The following PTPN13 variants were observed in gnomAD, a reference collection of about 807,000 sequenced individuals.
The protein encoded by PTPN13 is protein tyrosine phosphatase non-receptor type 13.
In PTPN13, 191 loss-of-function variants were observed where a neutral mutation model predicts 284.0. The ratio of observed to expected loss-of-function variants is 0.67; its 90% CI spans 0.60 to 0.76. The LOEUF is 0.76. PTPN13 is among the 30% of genes least tolerant of loss of function. The pLI, the probability that PTPN13 is intolerant of heterozygous loss-of-function variation, is 0.00. For synonymous variants in PTPN13, 986 were observed against 1,022.3 expected, an observed-to-expected ratio of 0.96 and a Z score of 0.68; for missense variants, 2,797 against 2,939.9, an observed-to-expected ratio of 0.95 and a Z score of 1.12.
intron 19 of PTPN13, among the ~76,000 whole-genome samples, chr4:86,752,652 C>G (rs980781703): frequency 6.6e-6 from 1 of 152,112 alleles, no homozygotes; most frequent in Non-Finnish European, 1.5e-5. Flanking sequence ...ATAAAACACT[C>G]TTAAAGGAAA....
intron 32 of PTPN13, among the ~76,000 whole-genome samples, chr4:86,774,137 A>G (rs1464081269): frequency 6.6e-6 from 1 of 152,146 alleles, no homozygotes; most frequent in Non-Finnish European, 1.5e-5. Context: ...CTGTCTCTAG[A>G]CAAACATAAT....
chr4:86,738,803 C>T (rs2149158322), intron 15 of PTPN13, among the ~76,000 whole-genome samples: 1 of 152,206 alleles, frequency 6.6e-6, no homozygotes, highest in East Asian at 1.9e-4. Flanking sequence ...TCCTCAGCCT[C>T]CTGAGTAGCT....
intron 42 of PTPN13, among the ~76,000 whole-genome samples, chr4:86,801,058 C>T (rs1328730534): frequency 1.3e-5 from 2 of 152,204 alleles, no homozygotes; most frequent in East Asian, 1.9e-4. Context: ...ATTAAAGCTA[C>T]ACTTGTGCAG....
Position 86,775,441 on chromosome 4 carries a change from G to C in PTPN13, c.5681-1G>C. On this transcript the variant is annotated splice_acceptor_variant, in intron 34 of 47. Coordinates refer to ENST00000411767, the MANE Select transcript of PTPN13 (RefSeq NM_080683.3). LOFTEE classifies it high-confidence loss of function. ...AAACAAATATTTTCTATTATTTCAA[G>C]GTTTTTCCTTATGTGGAGGTCATGA... The C allele has an allele frequency of 6.2e-7, 1 of 1,600,982 alleles. No homozygotes were observed. The highest frequency in any genetic ancestry group is 8.6e-7 in the Non-Finnish European group (1 of 1,168,666).
At chr4:86,698,635 A>G (rs1191459600) in intron 6 of PTPN13, among the ~76,000 whole-genome samples, 1 of 152,180 alleles carries the variant, frequency 6.6e-6, no homozygotes, top group African/African-American at 2.4e-5. Context: ...CAGGTATGTA[A>G]AGAGAGGAAA....
In PTPN13 at chr4:86,767,814, C is replaced by T; in HGVS notation, c.4330-3C>T. The T allele has an allele frequency of 6.4e-7, 1 of 1,551,916 alleles. No homozygotes were observed. The highest frequency in any genetic ancestry group is 8.7e-7 in the Non-Finnish European group (1 of 1,146,092). On this transcript the variant is annotated splice_region_variant and splice_polypyrimidine_tract_variant and intron_variant, in intron 27 of 47. Transcript: ENST00000411767. ...TTAATGAAATGCTATTTTACTTATC[C>T]AGGTGGTTCATCTGTTATTAGAAAA...
At chr4:86,807,463 T>C (rs943913037) in intron 44 of PTPN13, 97 bp from the exon 45 acceptor site, 31 of 899,726 alleles carry the variant, frequency 3.4e-5, no homozygotes, top group Admixed American at 7.3e-5. Context: ...TCTGTGACTA[T>C]GAGAATTTCT....
chr4:86,783,663 T>A (rs1215976790), intron 37 of PTPN13, among the ~76,000 whole-genome samples: 3 of 152,066 alleles, frequency 2.0e-5, no homozygotes, highest in Non-Finnish European at 2.9e-5. Context: ...ATTTATTTTT[T>A]AAAATTCTAT....
At chr4:86,736,021 A>G (rs1018803547) in intron 15 of PTPN13, among the ~76,000 whole-genome samples, 1 of 152,202 alleles carries the variant, frequency 6.6e-6, no homozygotes, top group Admixed American at 6.5e-5. Context: ...ATCTTATTCC[A>G]TACTCAAAAT....
chr4:86,671,950 C>A (rs1348745596), intron 2 of PTPN13, among the ~76,000 whole-genome samples: 1 of 152,128 alleles, frequency 6.6e-6, no homozygotes, highest in Admixed American at 6.5e-5. Context: ...TGGGCAATGT[C>A]CTTGAGAGAG....
chr4:86,791,206 C>T (rs1742615789), intron 40 of PTPN13, among the ~76,000 whole-genome samples: 1 of 152,238 alleles, frequency 6.6e-6, no homozygotes, highest in Non-Finnish European at 1.5e-5. Context: ...ATGTCTGGCT[C>T]AGCGGGTCCC....
rs1241887233 is a variant in PTPN13, at chr4:86,785,881, A to G, written c.6290A>G (p.Glu2097Gly). Reference protein sequence around the residue: ...TLKMNGKLSEERTEDTDCDGS... With the variant: ...TLKMNGKLSEGRTEDTDCDGS... ...AAGATGAATGGGAAGTTATCAGAAG[A>G]GAGAACAGAAGATACAGACTGCGAT... is the stretch of plus-strand genomic sequence containing the variant. Residue 2097 changes from glutamate to glycine, a missense_variant, in exon 40 of 48, where the codon GAG becomes GGG. Coordinates refer to ENST00000411767, the MANE Select transcript of PTPN13 (RefSeq NM_080683.3). 1.3e-6 allele frequency: 2 copies of G among 1,568,922 alleles called. No homozygotes were observed. Among genetic ancestry groups the G allele is most frequent in the East Asian group, 2.3e-5 (1 of 43,272 alleles).
At chr4:86,752,068 C>T (rs2054593) in intron 19 of PTPN13, among the ~76,000 whole-genome samples, 34,426 of 151,966 alleles carry the variant, frequency 0.23, 4,606 homozygotes, top group Non-Finnish European at 0.29. Flanking sequence ...AAAAGGGAAA[C>T]GCACTGGAGT....
chr4:86,698,218 A>C (rs920777814), intron 6 of PTPN13, among the ~76,000 whole-genome samples: 2 of 152,306 alleles, frequency 1.3e-5, no homozygotes, highest in Non-Finnish European at 1.5e-5. Flanking sequence ...GGATTAAATA[A>C]GGTAAAAGAT....
chr4:86,804,572 T>C (rs1744454323), intron 43 of PTPN13, among the ~76,000 whole-genome samples: 1 of 152,226 alleles, frequency 6.6e-6, no homozygotes, highest in African/African-American at 2.4e-5. Flanking sequence ...TTCTTAGATT[T>C]AAATGTCACC....
intron 2 of PTPN13, among the ~76,000 whole-genome samples, chr4:86,670,638 A>C (rs982767997): frequency 1.3e-5 from 2 of 152,102 alleles, no homozygotes; most frequent in Non-Finnish European, 2.9e-5. Context: ...TTGTCTTCCT[A>C]ATTGGTCTCC....
intron 3 of PTPN13, among the ~76,000 whole-genome samples, chr4:86,675,715 G>A (rs1728202093): frequency 1.3e-5 from 2 of 152,106 alleles, no homozygotes; most frequent in South Asian, 2.1e-4. Context: ...CTTTAAATGA[G>A]TAGACAGGTT....
chr4:86,653,634 G>C (rs941409294), intron 2 of PTPN13, among the ~76,000 whole-genome samples: 2 of 151,798 alleles, frequency 1.3e-5, no homozygotes, highest in Non-Finnish European at 2.9e-5. Context: ...GTTTTCAGAA[G>C]TCCATAATAT....
intron 40 of PTPN13, among the ~76,000 whole-genome samples, chr4:86,789,375 G>T (rs188850977): frequency 6.6e-6 from 1 of 152,256 alleles, no homozygotes; most frequent in Non-Finnish European, 1.5e-5. Flanking sequence ...CTGCTTGACT[G>T]GTTGGATCTT....
Sources: gnomAD v4.1 joint callset for allele counts (sites outside exome capture counted in the v4.1 genomes callset) on GRCh38, gnomAD v4.1.1 for gene constraint, MANE v1.5 for transcripts, NCBI Gene and HGNC (gene_info 2026-07-23, HGNC 2026-07-21) for gene names.